PUDP: variants seen among roughly 807,000 people sequenced by gnomAD.
The protein encoded by PUDP is pseudouridine-5'-phosphatase.
Under a neutral mutation model 9.4 loss-of-function variants are expected in PUDP, and 8 were observed. That is an observed-to-expected ratio of 0.85 (90% CI 0.50 to 1.53). The LOEUF (loss-of-function observed/expected upper bound fraction) is 1.53, where lower values mean the gene tolerates loss of function less well. PUDP is among the 40% of genes most tolerant of loss of function. The probability of loss-of-function intolerance (pLI) is 0.00; values close to 1 mark genes in which losing one functional copy is unlikely to be tolerated. For synonymous variants in PUDP, 99 were observed against 80.7 expected (o/e 1.23, Z -1.22); for missense variants, 188 against 189.7 (o/e 0.99, Z 0.05).
At chrX:6,716,851 C>G (rs1054493620) in intron 1 of PUDP, among the ~76,000 whole-genome samples, 2 of 111,299 alleles carry the variant, frequency 1.8e-5, no homozygotes, top group Non-Finnish European at 3.8e-5. Flanking sequence ...CCAGGCTGGT[C>G]TTGAACTTCT....
chrX:7,077,415 A>G lies in PUDP; in HGVS notation c.315T>C (p.His105=). ...TGGTGGCCAGTGCAAAGGGGATGCC[A>G]TGTTTCCGCAGGTGGATGATGAGTT... ...AEKLIIHLRK[H]GIPFALATSS... Residue 105 remains histidine, a synonymous_variant, in exon 3 of 4, where the codon CAT becomes CAC. Transcript: ENST00000381077. 2.5e-6 allele frequency: 3 copies of G among 1,210,914 alleles called. No homozygotes were observed. The highest frequency in any genetic ancestry group is 1.7e-5 in the African/African-American group (1 of 57,715).
chrX:6,933,020 T>C (rs1928225232), intron 3 of PUDP, among the ~76,000 whole-genome samples: 1 of 110,563 alleles, frequency 9.0e-6, no homozygotes, highest in Admixed American at 9.7e-5. Context: ...CCTGCCTCTG[T>C]AGGCTCCACC....
At chrX:6,807,152 T>C (rs987706814) in intron 3 of PUDP, among the ~76,000 whole-genome samples, 2 of 112,510 alleles carry the variant, frequency 1.8e-5, no homozygotes, top group Non-Finnish European at 3.8e-5. Context: ...AAGAAGGTTG[T>C]TGTTATTTTT....
chrX:6,884,777 C>T (rs1927398450), intron 3 of PUDP, among the ~76,000 whole-genome samples: 1 of 112,616 alleles, frequency 8.9e-6, no homozygotes. Context: ...CTTCCTATCA[C>T]TGCAGAAGTT....
chrX:7,032,187 T>G (rs1929800845), intron 1 of PUDP, among the ~76,000 whole-genome samples: 1 of 112,348 alleles, frequency 8.9e-6, no homozygotes, highest in African/African-American at 3.2e-5. Context: ...AAATAAAAAG[T>G]AAAACCATAA....
At chrX:6,749,542 C>T (rs939368963) in intron 3 of PUDP, among the ~76,000 whole-genome samples, 1 of 111,669 alleles carries the variant, frequency 9.0e-6, no homozygotes, top group African/African-American at 3.3e-5. Flanking sequence ...AAGAACTATG[C>T]CTACGTCAGG....
chrX:7,060,409 G>A (rs1930367517), intron 3 of PUDP, among the ~76,000 whole-genome samples: 1 of 111,995 alleles, frequency 8.9e-6, no homozygotes, highest in African/African-American at 3.2e-5. Context: ...GAGGTAAGGG[G>A]TTTCTAGAAT....
chrX:6,714,053 G>A (rs910413773), intron 1 of PUDP, among the ~76,000 whole-genome samples: 2 of 110,124 alleles, frequency 1.8e-5, no homozygotes, highest in Non-Finnish European at 3.8e-5. Flanking sequence ...CACCATACCC[G>A]GCTAATTTTT....
At chrX:7,054,856 G>C (rs144278681) in intron 3 of PUDP, among the ~76,000 whole-genome samples, 1 of 112,285 alleles carries the variant, frequency 8.9e-6, no homozygotes, top group East Asian at 2.8e-4. Context: ...AAAGCTGATA[G>C]AATAGTCAGC....
intron 2 of PUDP, among the ~76,000 whole-genome samples, chrX:7,079,732 G>A (rs1024964421): frequency 8.9e-6 from 1 of 112,292 alleles, no homozygotes; most frequent in Non-Finnish European, 1.9e-5. Context: ...AATCACAAAG[G>A]GAAACTAGGT....
chrX:6,872,326 C>T (rs1350815256), intron 3 of PUDP, among the ~76,000 whole-genome samples: 1 of 111,337 alleles, frequency 9.0e-6, no homozygotes, highest in Non-Finnish European at 1.9e-5. Context: ...CAAATCTTCC[C>T]TTTTTATAAG....
chrX:6,988,939 G>A (rs896321518), intron 1 of PUDP, among the ~76,000 whole-genome samples: 2 of 110,923 alleles, frequency 1.8e-5, no homozygotes, highest in Non-Finnish European at 3.8e-5. Context: ...CAGTTGTTAC[G>A]GAGGCCTGCC....
chrX:7,098,119 T>A (rs1931625078), intron 2 of PUDP, among the ~76,000 whole-genome samples: 1 of 112,368 alleles, frequency 8.9e-6, no homozygotes, highest in African/African-American at 3.2e-5. Context: ...AGCCACTCAC[T>A]GGGCCAGGTG....
At chrX:7,096,434 C>T (rs1412709526) in intron 2 of PUDP, among the ~76,000 whole-genome samples, 4 of 110,324 alleles carry the variant, frequency 3.6e-5, no homozygotes, top group Non-Finnish European at 5.7e-5. Flanking sequence ...CACTGAGTAA[C>T]GGTTATCTCC....
At chrX:6,947,094 G>A (rs1928478892) in intron 3 of PUDP, among the ~76,000 whole-genome samples, 1 of 108,452 alleles carries the variant, frequency 9.2e-6, no homozygotes, top group Admixed American at 9.9e-5. Flanking sequence ...TCCGCCTCCT[G>A]GGTTCGAGTG....
At position 7,145,339 on chromosome X, in the gene PUDP, T is replaced by C. The variant is rs751941318; in HGVS notation, c.61+2714A>G. On this transcript the variant is annotated intron_variant, in intron 1 of 3. Transcript: ENST00000381077. ...GACAGAACTGCTCTGGACAACAAAC[T>C]GTCTTCTCTTTTAAAGAAATTGGGA... 4.5e-5 allele frequency among the ~76,000 whole-genome samples: 5 copies of C among 111,913 alleles called. No individual in the cohort carries two copies. The East Asian group carries it at 1.4e-3, about 31-fold the overall frequency.
At chrX:6,740,575 C>T (rs1293972074) in intron 3 of PUDP, among the ~76,000 whole-genome samples, 2 of 110,984 alleles carry the variant, frequency 1.8e-5, no homozygotes, top group Admixed American at 9.6e-5. Flanking sequence ...GCGTGCCTGT[C>T]AGTATTGTAA....
Position 7,050,367 on chromosome X carries a change from T to C in PUDP, c.616A>G (p.Lys206Glu), listed in dbSNP as rs752120998. ...DGNLSRDLTTKATLVLNSLQD... is the reference protein window; with the variant it reads ...DGNLSRDLTTEATLVLNSLQD... ...AGGGAATTCAGCACCAGGGTGGCCTTTGTTGTCAGATCTCGGCTCAAGTTT... is the reference window on the plus strand; with the variant it reads ...AGGGAATTCAGCACCAGGGTGGCCTCTGTTGTCAGATCTCGGCTCAAGTTT... Residue 206 changes from lysine (K) to glutamate (E), a missense_variant, in exon 4 of 4, where the codon AAG becomes GAG. Transcript: ENST00000381077. 1.2e-5 allele frequency: 14 copies of C among 1,211,285 alleles called. No individual in the cohort carries two copies. In the Admixed American group the frequency reaches 2.4e-4, roughly 21 times the overall value.
At chrX:6,969,378 C>A (rs1469295912) in intron 3 of PUDP, among the ~76,000 whole-genome samples, 1 of 111,935 alleles carries the variant, frequency 8.9e-6, no homozygotes, top group Non-Finnish European at 1.9e-5. Context: ...CAGGGAGCAA[C>A]CCAAGGGGTG....
Sources: allele counts gnomAD v4.1 joint callset (sites outside exome capture counted in the v4.1 genomes callset), GRCh38; gene constraint gnomAD v4.1.1; transcripts MANE v1.5; gene names NCBI Gene and HGNC (gene_info 2026-07-23, HGNC 2026-07-21).